Variants in ADGRB3 observed in about 807,000 individuals in gnomAD.
ADGRB3 encodes adhesion G protein-coupled receptor B3.
Under a neutral mutation model 193.4 loss-of-function variants are expected in ADGRB3, and 37 were observed. That is an observed-to-expected ratio of 0.19 (90% CI 0.15 to 0.25). ADGRB3 has a LOEUF of 0.25. Among genes scored for constraint, ADGRB3 ranks in the 10% least tolerant of loss-of-function variants. The pLI is 1.00. For synonymous variants in ADGRB3, 690 were observed against 644.2 expected (o/e 1.07, Z -1.08); for missense variants, 1,637 against 1,852.9 (o/e 0.88, Z 2.14).
intron 3 of ADGRB3, among the ~76,000 whole-genome samples, chr6:68,913,217 T>C (rs1766772344): frequency 6.6e-6 from 1 of 152,158 alleles, no homozygotes; most frequent in South Asian, 2.1e-4. Context: ...CAGATGGATA[T>C]CTGAGAATGG....
intron 3 of ADGRB3, among the ~76,000 whole-genome samples, chr6:68,846,022 G>A (rs1006407176): frequency 6.6e-6 from 1 of 152,110 alleles, no homozygotes. Context: ...GAAAAGTAAG[G>A]TCCAGGCTGA....
intron 15 of ADGRB3, among the ~76,000 whole-genome samples, chr6:69,058,954 A>G (rs1285596514): frequency 6.6e-6 from 1 of 151,982 alleles, no homozygotes; most frequent in East Asian, 1.9e-4. Flanking sequence ...TGTGCCTGTT[A>G]GGTCCAATTC....
chr6:69,141,344 C>G (rs1231507258), intron 17 of ADGRB3, among the ~76,000 whole-genome samples: 4 of 152,002 alleles, frequency 2.6e-5, no homozygotes, highest in Non-Finnish European at 5.9e-5. Flanking sequence ...AGGATTGTCT[C>G]GATCTGCTGA....
chr6:69,372,443 T>C lies in ADGRB3; in HGVS notation c.4275+2T>C. 7.5e-7 allele frequency: 1 copy of C among 1,340,540 alleles called. No individual in the cohort carries two copies. Among genetic ancestry groups the C allele is most frequent in the South Asian group, 1.4e-5 (1 of 70,652 alleles). The allele number at this position is 1,340,540 out of a possible 1,614,324, so 83.0% of individuals were successfully genotyped here. A position where few individuals can be genotyped will look rare whatever the true frequency, so the allele number is the denominator to read the frequency against. On this transcript the variant is annotated splice_donor_variant, in intron 30 of 31. Coordinates refer to ENST00000370598, the MANE Select transcript of ADGRB3 (RefSeq NM_001704.3). LOFTEE classifies it high-confidence loss of function. Reference sequence around the variant, plus strand: ...CGATATTCAGACCTTGACTTTGAGGTAAGTTTATATGAATTATTTTAGAAT... The same window carrying C: ...CGATATTCAGACCTTGACTTTGAGGCAAGTTTATATGAATTATTTTAGAAT...
At chr6:69,221,930 T>C (rs574290026) in intron 17 of ADGRB3, among the ~76,000 whole-genome samples, 1 of 152,280 alleles carries the variant, frequency 6.6e-6, no homozygotes, top group South Asian at 2.1e-4. Flanking sequence ...GTTTAGCTGA[T>C]CCCAAAAGAT....
intron 3 of ADGRB3, among the ~76,000 whole-genome samples, chr6:68,915,576 G>A (rs1397781476): frequency 2.6e-5 from 4 of 152,142 alleles, no homozygotes; most frequent in Admixed American, 2.6e-4. Context: ...TGGGATCTAA[G>A]TGTTGTTGCG....
intron 21 of ADGRB3, among the ~76,000 whole-genome samples, chr6:69,325,361 A>G (rs1031836689): frequency 2.0e-5 from 3 of 152,114 alleles, no homozygotes; most frequent in Non-Finnish European, 4.4e-5. Flanking sequence ...CTAATGTGTG[A>G]TGGTTCACTA....
At chr6:69,163,199 A>AAGACAGATTCAGGTCATCCATTCCCC (rs1775042867) in intron 17 of ADGRB3, among the ~76,000 whole-genome samples, 1 of 152,118 alleles carries the variant, frequency 6.6e-6, no homozygotes, top group Non-Finnish European at 1.5e-5. Flanking sequence ...ACATCAGCCC[A>AAGACAGATTCAGGTCATCCATTCCCC]AGACAGCTTC....
At chr6:69,294,678 G>T (rs1767770058) in intron 20 of ADGRB3, among the ~76,000 whole-genome samples, 1 of 152,118 alleles carries the variant, frequency 6.6e-6, no homozygotes, top group South Asian at 2.1e-4. Context: ...GTGCAGTGGG[G>T]CTGGAAATGT....
intron 3 of ADGRB3, among the ~76,000 whole-genome samples, chr6:68,840,369 CTTTTTTTTTTTTTTTTTT>C (rs752625602): frequency 0.016 from 1,105 of 69,400 alleles, 27 homozygotes; most frequent in Middle Eastern, 0.041. Context: ...ACTGGGCAGT[CTTTTTTTTTTTTTTTTTT>C]TTTTTTTTTT....
chr6:68,930,704 GTTAAT>G (rs1352999516), intron 4 of ADGRB3, 35 bp downstream of exon 4: 2 of 1,421,922 alleles, frequency 1.4e-6, no homozygotes, highest in East Asian at 2.4e-5. Flanking sequence ...ATTTATTGTT[GTTAAT>G]TTAATGAAAC....
chr6:69,153,092 G>A (rs921999301), intron 17 of ADGRB3, among the ~76,000 whole-genome samples: 2 of 151,818 alleles, frequency 1.3e-5, no homozygotes, highest in Non-Finnish European at 1.5e-5. Flanking sequence ...GATATTAAAA[G>A]GACTATATTT....
chr6:69,331,271 G>A (rs565408894), intron 23 of ADGRB3, among the ~76,000 whole-genome samples: 2 of 152,126 alleles, frequency 1.3e-5, no homozygotes, highest in Admixed American at 6.5e-5. Context: ...TTTAAACTAC[G>A]GTAATGTGAA....
chr6:69,100,680 G>A (rs903213624), intron 17 of ADGRB3, among the ~76,000 whole-genome samples: 9 of 151,510 alleles, frequency 5.9e-5, no homozygotes, highest in African/African-American at 2.2e-4. Context: ...TTTTTCAAAA[G>A]ACAACTTAAA....
At chr6:69,211,633 A>G (rs998286920) in intron 17 of ADGRB3, among the ~76,000 whole-genome samples, 6 of 152,188 alleles carry the variant, frequency 3.9e-5, no homozygotes, top group Non-Finnish European at 7.3e-5. Flanking sequence ...TCTTCCTCTC[A>G]TTTATATTAT....
chr6:68,813,156 T>A (rs985058723), intron 3 of ADGRB3, among the ~76,000 whole-genome samples: 1 of 152,112 alleles, frequency 6.6e-6, no homozygotes, highest in African/African-American at 2.4e-5. Flanking sequence ...TCTCACGAGA[T>A]CTAATGGGTT....
At chr6:68,772,894 A>AAAAAATATAT (rs1466813173) in intron 3 of ADGRB3, among the ~76,000 whole-genome samples, 6 of 22,864 alleles carry the variant, frequency 2.6e-4, no homozygotes, top group African/African-American at 1.2e-3. Context: ...AAAAAAAAAA[A>AAAAAATATAT]ATATATATAT....
At chr6:69,253,368 T>C (rs1255663363) in intron 20 of ADGRB3, among the ~76,000 whole-genome samples, 2 of 152,118 alleles carry the variant, frequency 1.3e-5, no homozygotes, top group South Asian at 2.1e-4. Context: ...ATTTTCTTAG[T>C]ATTATATTGA....
chr6:69,306,785 C>T (rs893375729), intron 20 of ADGRB3, among the ~76,000 whole-genome samples: 2 of 151,372 alleles, frequency 1.3e-5, no homozygotes, highest in Admixed American at 6.6e-5. Context: ...ATTTAAAAAA[C>T]TGTGATAATA....
Sources: allele counts gnomAD v4.1 joint callset (sites outside exome capture counted in the v4.1 genomes callset), GRCh38; gene constraint gnomAD v4.1.1; transcripts MANE v1.5; gene names NCBI Gene and HGNC (gene_info 2026-07-23, HGNC 2026-07-21).